Variants in GRID2 observed in about 807,000 individuals in gnomAD.
The protein encoded by GRID2 is glutamate ionotropic receptor delta type subunit 2.
GRID2 carries 33 observed loss-of-function variants against 114.8 expected under a neutral mutation model. The observed-to-expected ratio is 0.29, with a 90% CI of 0.22 to 0.38. GRID2 has a LOEUF of 0.38. Ranked by LOEUF, GRID2 falls within the 10% of genes least tolerant of loss-of-function variation. The pLI is 1.00. For synonymous variants in GRID2, 505 were observed against 449.9 expected (o/e 1.12, Z -1.55); for missense variants, 1,184 against 1,257.7 (o/e 0.94, Z 0.89).
chr4:92,760,391 T>C (rs991005483), intron 2 of GRID2, among the ~76,000 whole-genome samples: 2 of 152,116 alleles, frequency 1.3e-5, no homozygotes, highest in Non-Finnish European at 2.9e-5. Context: ...CTCTCGATCC[T>C]TTTGGGGAAA....
At chr4:93,794,213 T>A (rs755920178) in intron 1 of GRID2, among the ~76,000 whole-genome samples, 3 of 152,218 alleles carry the variant, frequency 2.0e-5, no homozygotes, top group Non-Finnish European at 2.9e-5. Flanking sequence ...ATGGCAGTGA[T>A]ACGTCTGTGG....
At chr4:92,865,905 TATC>T (rs1473757835) in intron 2 of GRID2, among the ~76,000 whole-genome samples, 2 of 152,208 alleles carry the variant, frequency 1.3e-5, no homozygotes, top group African/African-American at 2.4e-5. Context: ...CAAACATCGT[TATC>T]ATATACTAGT....
intron 2 of GRID2, among the ~76,000 whole-genome samples, chr4:92,681,901 A>C (rs1036134644): frequency 6.6e-6 from 1 of 152,136 alleles, no homozygotes; most frequent in Non-Finnish European, 1.5e-5. Flanking sequence ...CCAGTTAAGA[A>C]GAAAAAAAAA....
At chr4:93,357,658 C>A (rs1440154442) in intron 8 of GRID2, among the ~76,000 whole-genome samples, 1 of 151,266 alleles carries the variant, frequency 6.6e-6, no homozygotes, top group African/African-American at 2.4e-5. Flanking sequence ...AATATTGCTA[C>A]AAAATATTTT....
At chr4:92,600,362 T>A (rs1729168140) in intron 2 of GRID2, among the ~76,000 whole-genome samples, 1 of 151,650 alleles carries the variant, frequency 6.6e-6, no homozygotes, top group African/African-American at 2.4e-5. Context: ...ACAGAAAAGG[T>A]CACATTCTTA....
chr4:92,826,764 A>C (rs1741734527), intron 2 of GRID2, among the ~76,000 whole-genome samples: 2 of 152,168 alleles, frequency 1.3e-5, no homozygotes, highest in South Asian at 4.1e-4. Flanking sequence ...ATTGATTTGC[A>C]AATCAGCTGA....
chr4:93,006,802 A>G (rs1721582285), intron 2 of GRID2, among the ~76,000 whole-genome samples: 1 of 152,044 alleles, frequency 6.6e-6, no homozygotes, highest in Admixed American at 6.6e-5. Flanking sequence ...ACAGAAAATC[A>G]TTGGCAATAC....
intron 14 of GRID2, among the ~76,000 whole-genome samples, chr4:93,755,832 T>C (rs535908667): frequency 2.6e-5 from 4 of 152,328 alleles, no homozygotes; most frequent in East Asian, 3.9e-4. Context: ...AGTTATCATA[T>C]GTGAAGTGCT....
chr4:93,088,949 G>A (rs1250510454), intron 3 of GRID2, among the ~76,000 whole-genome samples: 1 of 151,916 alleles, frequency 6.6e-6, no homozygotes, highest in African/African-American at 2.4e-5. Flanking sequence ...TAATAATAAG[G>A]GCTAATCTAA....
intron 14 of GRID2, among the ~76,000 whole-genome samples, chr4:93,681,123 T>C (rs1329734307): frequency 6.6e-6 from 1 of 151,382 alleles, no homozygotes; most frequent in Non-Finnish European, 1.5e-5. Context: ...ACAAGCATTC[T>C]TATACACCAA....
chr4:92,472,105 T>G (rs1180726760), intron 1 of GRID2, among the ~76,000 whole-genome samples: 2 of 117,168 alleles, frequency 1.7e-5, no homozygotes, highest in African/African-American at 3.8e-5. Flanking sequence ...AGCTAATTTT[T>G]TGTATTTTTA....
chr4:92,398,579 A>G (rs1730623295), intron 1 of GRID2, among the ~76,000 whole-genome samples: 1 of 152,194 alleles, frequency 6.6e-6, no homozygotes. Flanking sequence ...GATTACAGGC[A>G]TGAGCCACTG....
chr4:92,954,450 G>A (rs912971709), intron 2 of GRID2, among the ~76,000 whole-genome samples: 5 of 151,232 alleles, frequency 3.3e-5, no homozygotes, highest in African/African-American at 7.3e-5. Flanking sequence ...TTTTTGAGAC[G>A]GAGTCTCACT....
intron 4 of GRID2, among the ~76,000 whole-genome samples, chr4:93,169,585 C>G (rs911805352): frequency 2.0e-5 from 3 of 152,098 alleles, no homozygotes; most frequent in South Asian, 2.1e-4. Flanking sequence ...AAAGGGCAAG[C>G]CTCTTTAAAA....
In GRID2 at chr4:92,322,928, A is replaced by G. The variant is rs559332277; in HGVS notation, c.88+18184A>G. ...TATAAACATATTTAACTGATTTTTA[A>G]AAATCAGAATCTAGTGCCTGTAATT... On this transcript the variant is annotated intron_variant, in intron 1 of 15. Transcript: ENST00000282020. Among the ~76,000 whole-genome samples, 376 of 152,220 alleles carry G rather than the reference A, an allele frequency of 2.5e-3. 2 individuals carry two copies. The highest frequency in any genetic ancestry group is 8.6e-3 in the African/African-American group (359 of 41,532).
intron 2 of GRID2, among the ~76,000 whole-genome samples, chr4:92,969,352 C>A (rs1423275354): frequency 6.6e-6 from 1 of 151,602 alleles, no homozygotes; most frequent in Non-Finnish European, 1.5e-5. Flanking sequence ...TTATTAGATG[C>A]TGAAAAATGT....
chr4:93,591,374 A>G (rs1479673533), intron 13 of GRID2, among the ~76,000 whole-genome samples: 1 of 151,294 alleles, frequency 6.6e-6, no homozygotes, highest in East Asian at 2.0e-4. Context: ...ATTTGCGTAT[A>G]TTGAACCAGC....
At chr4:93,315,675 C>T (rs1579645844) in intron 8 of GRID2, among the ~76,000 whole-genome samples, 1 of 152,102 alleles carries the variant, frequency 6.6e-6, no homozygotes, top group East Asian at 1.9e-4. Context: ...ACATTGTAGG[C>T]ACTTAATAAA....
chr4:93,273,132 T>C (rs1405060641), intron 8 of GRID2, among the ~76,000 whole-genome samples: 1 of 152,232 alleles, frequency 6.6e-6, no homozygotes, highest in Non-Finnish European at 1.5e-5. Context: ...ATGCAGTTAT[T>C]GTTCATTTTT....
Sources: allele counts gnomAD v4.1 joint callset (sites outside exome capture counted in the v4.1 genomes callset), GRCh38; gene constraint gnomAD v4.1.1; transcripts MANE v1.5; gene names NCBI Gene and HGNC (gene_info 2026-07-23, HGNC 2026-07-21).